Variants in PARD3B observed in about 807,000 individuals in gnomAD.
The protein encoded by PARD3B is par-3 family cell polarity regulator beta.
Under a neutral mutation model 130.2 loss-of-function variants are expected in PARD3B, and 103 were observed. The observed-to-expected ratio is 0.79, with a 90% confidence interval of 0.67 to 0.93. PARD3B has a LOEUF of 0.93. Ranked by LOEUF, PARD3B falls within the 40% of genes least tolerant of loss-of-function variation. PARD3B has a pLI of 0.00. For missense variants in PARD3B, 1,609 were observed against 1,499.2 expected, an observed-to-expected ratio of 1.07 and a Z score of -1.21; for synonymous variants, 583 against 553.2, an observed-to-expected ratio of 1.05 and a Z score of -0.76.
chr2:205,501,026 T>C (rs2050140301), intron 21 of PARD3B, among the ~76,000 whole-genome samples: 1 of 152,104 alleles, frequency 6.6e-6, no homozygotes, highest in Non-Finnish European at 1.5e-5. Context: ...ACACTCAGGT[T>C]TATGCTCATA....
chr2:204,580,370 T>C (rs1264194173), intron 1 of PARD3B, among the ~76,000 whole-genome samples: 1 of 152,078 alleles, frequency 6.6e-6, no homozygotes, highest in African/African-American at 2.4e-5. Context: ...TTCTGGGAGC[T>C]CCTCTCTCTT....
At chr2:205,177,240 T>A (rs1052939911) in intron 13 of PARD3B, among the ~76,000 whole-genome samples, 5 of 152,122 alleles carry the variant, frequency 3.3e-5, no homozygotes, top group Admixed American at 6.5e-5. Flanking sequence ...GAATTTTTTA[T>A]TACAAAAACA....
intron 15 of PARD3B, among the ~76,000 whole-genome samples, chr2:205,217,640 A>G (rs2037982660): frequency 6.6e-6 from 1 of 151,656 alleles, no homozygotes; most frequent in South Asian, 2.1e-4. Flanking sequence ...AAATATAACA[A>G]CAAATTACTA....
chr2:205,032,252 T>C (rs908326144), intron 3 of PARD3B, among the ~76,000 whole-genome samples: 1 of 152,032 alleles, frequency 6.6e-6, no homozygotes, highest in Non-Finnish European at 1.5e-5. Context: ...CCAGCTTGTG[T>C]AATGGGCCTA....
At position 205,008,979 on chromosome 2, in the gene PARD3B, A is replaced by T. The variant is rs1171417249; in HGVS notation, c.395-38602A>T. ...TGTGACTAATCATAATAAAATAGGAATTAAGAGGGAAAAATAAACTTTACA... is the reference window on the plus strand; with the variant it reads ...TGTGACTAATCATAATAAAATAGGATTTAAGAGGGAAAAATAAACTTTACA... On this transcript the variant is annotated intron_variant, in intron 3 of 22. Transcript: ENST00000406610. 2.0e-5 allele frequency among the ~76,000 whole-genome samples: 3 copies of T among 152,212 alleles called. No homozygotes were observed. The East Asian group carries it at 5.8e-4, about 29-fold the overall frequency.
In PARD3B at chr2:205,563,795, A is replaced by G. The variant is rs1227056329; in HGVS notation, c.3260+10392A>G. On this transcript the variant is annotated intron_variant, in intron 22 of 22. Transcript: ENST00000406610. The surrounding 1 kb of genome is among the most constrained non-coding windows in gnomAD (Gnocchi z 4.2). Reference sequence around the variant, plus strand: ...AACAAGATACCTGCCTTTTCCTTACAATTACCCTGTTCCTGTTGGGAACAT... The same window carrying G: ...AACAAGATACCTGCCTTTTCCTTACGATTACCCTGTTCCTGTTGGGAACAT... Among the ~76,000 whole-genome samples the G allele has an allele frequency of 1.3e-5, 2 of 152,192 alleles. No homozygotes were observed. Among genetic ancestry groups the G allele is most frequent in the Non-Finnish European group, 2.9e-5 (2 of 68,036 alleles).
At chr2:205,381,115 ATT>A (rs2045413629) in intron 18 of PARD3B, among the ~76,000 whole-genome samples, 1 of 75,944 alleles carries the variant, frequency 1.3e-5, no homozygotes, top group African/African-American at 5.0e-5. Context: ...AAGAATATAT[ATT>A]ATATATATTA....
At chr2:204,775,930 A>G (rs1396694558) in intron 2 of PARD3B, among the ~76,000 whole-genome samples, 1 of 152,164 alleles carries the variant, frequency 6.6e-6, no homozygotes, top group East Asian at 1.9e-4. Flanking sequence ...TTATGACAGC[A>G]TGTTTCCCAG....
chr2:205,149,954 A>G (rs2033629530), intron 10 of PARD3B, among the ~76,000 whole-genome samples: 1 of 152,278 alleles, frequency 6.6e-6, no homozygotes. Context: ...GACACCCACA[A>G]CAAAAAATTA....
intron 3 of PARD3B, among the ~76,000 whole-genome samples, chr2:204,994,866 G>A (rs1385309441): frequency 6.6e-6 from 1 of 151,648 alleles, no homozygotes; most frequent in East Asian, 1.9e-4. Flanking sequence ...ATCTTTGTTG[G>A]TTTAAAGTCT....
intron 1 of PARD3B, among the ~76,000 whole-genome samples, chr2:204,612,654 ATATTT>A (rs1331143646): frequency 6.6e-6 from 1 of 152,150 alleles, no homozygotes; most frequent in African/African-American, 2.4e-5. Context: ...GATATTTTAA[ATATTT>A]TAAATTTATT....
intron 20 of PARD3B, among the ~76,000 whole-genome samples, chr2:205,472,118 A>G (rs1221661839): frequency 3.9e-5 from 6 of 152,314 alleles, no homozygotes; most frequent in East Asian, 1.9e-4. Context: ...TGGTTTTTGA[A>G]AAGTGTAAAT....
intron 2 of PARD3B, among the ~76,000 whole-genome samples, chr2:204,744,191 T>C (rs2040123837): frequency 6.6e-6 from 1 of 152,166 alleles, no homozygotes; most frequent in Non-Finnish European, 1.5e-5. Context: ...AATTAAGATC[T>C]TTGTACCAGA....
At chr2:204,951,802 C>A (rs922284694) in intron 2 of PARD3B, among the ~76,000 whole-genome samples, 3 of 152,172 alleles carry the variant, frequency 2.0e-5, no homozygotes, top group Non-Finnish European at 2.9e-5. Context: ...CAGCTGAATC[C>A]TGGCAAATAT....
At chr2:205,000,202 C>T (rs1020935553) in intron 3 of PARD3B, among the ~76,000 whole-genome samples, 3 of 152,162 alleles carry the variant, frequency 2.0e-5, no homozygotes, top group Non-Finnish European at 4.4e-5. Flanking sequence ...ACAACATTAA[C>T]AATATTCCCT....
At chr2:205,223,546 A>G (rs2038357954) in intron 15 of PARD3B, among the ~76,000 whole-genome samples, 1 of 152,182 alleles carries the variant, frequency 6.6e-6, no homozygotes, top group African/African-American at 2.4e-5. Context: ...GGACAGGAGA[A>G]TAACCCTGAG....
chr2:205,609,372 A>G lies in PARD3B; in HGVS notation c.3261-6084A>G, dbSNP rs548637478. Among the ~76,000 whole-genome samples, 122 of 152,292 alleles carry G rather than the reference A, an allele frequency of 8.0e-4. 1 individual carries two copies. The highest frequency in any genetic ancestry group is 1.9e-4 in the East Asian group (1 of 5,180). ...CCCCAGCTCAGCCACTAAATAATCT[A>G]TGTGTGGCATGCTCAAGAATAGCAT... On this transcript the variant is annotated intron_variant, in intron 22 of 22. Coordinates refer to ENST00000406610, the MANE Select transcript of PARD3B (RefSeq NM_001302769.2).
chr2:205,381,680 C>G (rs1310061793), intron 18 of PARD3B, among the ~76,000 whole-genome samples: 1 of 152,038 alleles, frequency 6.6e-6, no homozygotes, highest in South Asian at 2.1e-4. Context: ...GATTTCCCAA[C>G]CAATAAAAGC....
chr2:205,222,182 A>T (rs1018473384), intron 15 of PARD3B, among the ~76,000 whole-genome samples: 8 of 148,214 alleles, frequency 5.4e-5, no homozygotes, highest in Non-Finnish European at 1.1e-4. Context: ...TCCAATATAA[A>T]AAAAAAAAAA....
Sources: gnomAD v4.1 joint callset for allele counts (sites outside exome capture counted in the v4.1 genomes callset) on GRCh38, gnomAD v4.1.1 for gene constraint, Gnocchi (gnomAD v3.1) non-coding constraint, MANE v1.5 for transcripts, NCBI Gene and HGNC (gene_info 2026-07-23, HGNC 2026-07-21) for gene names.